The following CNTN5 variants were observed in gnomAD, a reference collection of about 807,000 sequenced individuals.
CNTN5 encodes the protein contactin-5.
A neutral mutation model predicts 129.1 loss-of-function variants in CNTN5; 77 were observed. That is an observed-to-expected ratio of 0.60 (90% CI 0.50 to 0.72). CNTN5 has a LOEUF of 0.72. Among genes scored for constraint, CNTN5 ranks in the 30% least tolerant of loss-of-function variants. The pLI, the probability that CNTN5 is intolerant of heterozygous loss-of-function variation, is 0.00. For missense variants in CNTN5, 1,478 were observed against 1,328.8 expected, an observed-to-expected ratio of 1.11 and a Z score of -1.75; for synonymous variants, 509 against 465.6, an observed-to-expected ratio of 1.09 and a Z score of -1.20.
At chr11:100,009,930 G>A (rs868258823) in intron 9 of CNTN5, among the ~76,000 whole-genome samples, 1 of 152,126 alleles carries the variant, frequency 6.6e-6, no homozygotes, top group Non-Finnish European at 1.5e-5. Context: ...ATTTCAAACC[G>A]GTTGGTGGCA....
intron 3 of CNTN5, among the ~76,000 whole-genome samples, chr11:99,743,992 T>C (rs1348227678): frequency 2.6e-5 from 4 of 152,112 alleles, no homozygotes; most frequent in Non-Finnish European, 5.9e-5. Context: ...CTGACTTTTG[T>C]ACCCCCATCA....
chr11:99,411,700 G>A (rs1175375442), intron 2 of CNTN5, among the ~76,000 whole-genome samples: 5 of 152,192 alleles, frequency 3.3e-5, no homozygotes, highest in African/African-American at 1.2e-4. Context: ...AGAGCCCAAG[G>A]AAATAGAATA....
intron 1 of CNTN5, among the ~76,000 whole-genome samples, chr11:99,041,587 T>C (rs1863984325): frequency 6.6e-6 from 1 of 152,224 alleles, no homozygotes; most frequent in African/African-American, 2.4e-5. Flanking sequence ...TATCATGTTC[T>C]TTTATCTCAA....
intron 13 of CNTN5, among the ~76,000 whole-genome samples, chr11:100,082,087 A>C (rs1944387241): frequency 6.6e-6 from 1 of 151,808 alleles, no homozygotes; most frequent in Non-Finnish European, 1.5e-5. Flanking sequence ...AAAAAGAATC[A>C]TCATCATGCT....
chr11:100,096,778 T>C (rs1945026221), intron 13 of CNTN5, among the ~76,000 whole-genome samples: 1 of 152,104 alleles, frequency 6.6e-6, no homozygotes, highest in Non-Finnish European at 1.5e-5. Flanking sequence ...CTTTTTGGCC[T>C]GGGGACCAAT....
In CNTN5 at chr11:99,356,615, G is replaced by C. The variant is rs1404890975; in HGVS notation, c.-71+31131G>C. On this transcript the variant is annotated intron_variant, in intron 2 of 24. Transcript: ENST00000524871. ...CTGGAAGAAGTCTGTCCATTATTCT[G>C]TCAACCCTCTTAGAGTATATTTACC... is the stretch of plus-strand genomic sequence containing the variant. Among the ~76,000 whole-genome samples, 7 of 152,218 alleles carry C rather than the reference G, an allele frequency of 4.6e-5. No individual in the cohort carries two copies. The East Asian group carries it at 1.4e-3, about 29-fold the overall frequency.
chr11:99,538,106 C>A (rs1425735583), intron 2 of CNTN5, among the ~76,000 whole-genome samples: 1 of 152,162 alleles, frequency 6.6e-6, no homozygotes, highest in South Asian at 2.1e-4. Flanking sequence ...TTACATCTTA[C>A]ACTTCAAGTC....
intron 2 of CNTN5, among the ~76,000 whole-genome samples, chr11:99,502,394 T>A (rs1313035976): frequency 6.6e-6 from 1 of 152,154 alleles, no homozygotes; most frequent in African/African-American, 2.4e-5. Flanking sequence ...AGGGACGAGA[T>A]GGAGGTAATT....
intron 3 of CNTN5, among the ~76,000 whole-genome samples, chr11:99,704,501 T>C (rs1341144555): frequency 1.3e-5 from 2 of 151,144 alleles, no homozygotes; most frequent in Non-Finnish European, 3.0e-5. Context: ...GATAAAAATA[T>C]ATATGAAATA....
intron 13 of CNTN5, among the ~76,000 whole-genome samples, chr11:100,111,037 T>C (rs375837405): frequency 2.0e-5 from 3 of 151,814 alleles, no homozygotes; most frequent in East Asian, 1.9e-4. Context: ...AAAGAAAACT[T>C]GTAATCCCAA....
chr11:99,841,316 T>C lies in CNTN5; in HGVS notation c.278-3536T>C, dbSNP rs1201480885. ...TATAATTTACCAAATCTTACTTCTC[T>C]AGTTTTCCCCAGCCGGACCATATTT... On this transcript the variant is annotated intron_variant, in intron 4 of 24. Transcript: ENST00000524871. 2.0e-5 allele frequency among the ~76,000 whole-genome samples: 3 copies of C among 152,162 alleles called. No homozygotes were observed. In the East Asian group the frequency reaches 5.8e-4, roughly 29 times the overall value.
At chr11:100,186,013 G>C (rs10501952) in intron 13 of CNTN5, among the ~76,000 whole-genome samples, 7,018 of 152,230 alleles carry the variant, frequency 0.046, 208 homozygotes, top group East Asian at 0.18. Flanking sequence ...CAGTCTATTT[G>C]TAAAGGTTTA....
chr11:99,093,723 C>T lies in CNTN5; in HGVS notation c.-210+72453C>T, dbSNP rs1866349441. Among the ~76,000 whole-genome samples the T allele has an allele frequency of 1.3e-5, 2 of 151,856 alleles. 1 individual carries two copies. The highest frequency in any genetic ancestry group is 4.1e-4 in the South Asian group (2 of 4,820). On this transcript the variant is annotated intron_variant, in intron 1 of 24. Coordinates refer to ENST00000524871, the MANE Select transcript of CNTN5 (RefSeq NM_014361.4). ...GTAATAACCACCCCTGAGTTTATAG[C>T]CCTTTACATTTCGTCTGGCATAATA... is the stretch of plus-strand genomic sequence containing the variant.
intron 2 of CNTN5, among the ~76,000 whole-genome samples, chr11:99,400,456 C>A (rs541870534): frequency 8.3e-4 from 127 of 152,146 alleles, no homozygotes; most frequent in Middle Eastern, 3.4e-3. Context: ...ACCACATTTT[C>A]TTTATCCAAT....
intron 3 of CNTN5, among the ~76,000 whole-genome samples, chr11:99,816,078 T>G (rs1012532879): frequency 1.4e-4 from 22 of 152,254 alleles, no homozygotes; most frequent in Non-Finnish European, 2.9e-4. Context: ...AATTCAACTA[T>G]TAATAGACTA....
intron 4 of CNTN5, among the ~76,000 whole-genome samples, chr11:99,836,406 C>T (rs1459857473): frequency 4.7e-5 from 7 of 150,184 alleles, no homozygotes; most frequent in African/African-American, 1.2e-4. Context: ...GGTTTTTTGT[C>T]CTTGCGATAG....
chr11:99,344,072 T>C (rs975679783), intron 2 of CNTN5, among the ~76,000 whole-genome samples: 2 of 152,230 alleles, frequency 1.3e-5, no homozygotes, highest in Non-Finnish European at 2.9e-5. Context: ...GACAATTGTT[T>C]TGTGACTAAG....
In CNTN5 at chr11:99,983,706, G is replaced by A. The variant is rs773180217; in HGVS notation, c.878-18328G>A. Among the ~76,000 whole-genome samples, 17 of 152,280 alleles carry A rather than the reference G, an allele frequency of 1.1e-4. No homozygotes were observed. The South Asian group carries it at 1.5e-3, about 13-fold the overall frequency. On this transcript the variant is annotated intron_variant, in intron 8 of 24. Transcript: ENST00000524871. ...TCTGTTGAGTAATGAAAGCCAAATA[G>A]ATATGATTTTGGAAAAGCAGTTTTA...
At chr11:100,040,316 T>C (rs960901609) in intron 9 of CNTN5, among the ~76,000 whole-genome samples, 1 of 152,146 alleles carries the variant, frequency 6.6e-6, no homozygotes. Flanking sequence ...TGCTGCCTGA[T>C]CGTTCCTCTG....
Sources: allele counts gnomAD v4.1 joint callset (sites outside exome capture counted in the v4.1 genomes callset), GRCh38; gene constraint gnomAD v4.1.1; transcripts MANE v1.5; gene names NCBI Gene and HGNC (gene_info 2026-07-23, HGNC 2026-07-21).